Variants in NBPF3 observed in about 807,000 individuals in gnomAD.
The protein encoded by NBPF3 is NBPF family member NBPF3.
NBPF3 carries 57 observed loss-of-function variants against 78.1 expected under a neutral mutation model. The observed-to-expected ratio is 0.73, with a 90% CI of 0.59 to 0.91. The LOEUF (loss-of-function observed/expected upper bound fraction) is 0.91. Ranked by LOEUF, NBPF3 falls within the 40% of genes least tolerant of loss-of-function variation. NBPF3 has a pLI of 0.00. For missense variants in NBPF3, 510 were observed against 715.3 expected, an observed-to-expected ratio of 0.71 and a Z score of 3.27; for synonymous variants, 182 against 271.7, an observed-to-expected ratio of 0.67 and a Z score of 3.25.
At chr1:21,451,328 T>G (rs1641299012) in intron 2 of NBPF3, among the ~76,000 whole-genome samples, 1 of 152,236 alleles carries the variant, frequency 6.6e-6, no homozygotes, top group Non-Finnish European at 1.5e-5. Context: ...TAGTTTCTCT[T>G]GGATAAATGC....
chr1:21,474,730 T>A (rs1642798794), intron 7 of NBPF3, among the ~76,000 whole-genome samples, 170 bp from the exon 8 acceptor site: 2 of 152,192 alleles, frequency 1.3e-5, no homozygotes, highest in South Asian at 4.1e-4. Context: ...GAAAGCAGGG[T>A]CATCTACTTC....
intron 5 of NBPF3, 56 bp downstream of exon 5, chr1:21,471,839 G>T: frequency 6.3e-7 from 1 of 1,590,502 alleles, no homozygotes; most frequent in Non-Finnish European, 8.6e-7. Context: ...AGAGACTTCA[G>T]ACCTCCATAC....
At chr1:21,455,731 G>A (rs999107505) in intron 2 of NBPF3, among the ~76,000 whole-genome samples, 11 of 152,222 alleles carry the variant, frequency 7.2e-5, no homozygotes, top group African/African-American at 2.4e-4. Flanking sequence ...CTGATCAAAG[G>A]TGCAGCTCTC....
At chr1:21,440,820 T>A (rs1427576360) in intron 1 of NBPF3, 1 of 152,504 alleles carries the variant, frequency 6.6e-6, no homozygotes, top group Non-Finnish European at 1.5e-5. Flanking sequence ...AAGCCAGGTG[T>A]GCCAGGTCCA....
intron 1 of NBPF3, among the ~76,000 whole-genome samples, chr1:21,443,988 A>G (rs1277582944): frequency 6.6e-6 from 1 of 152,198 alleles, no homozygotes; most frequent in Non-Finnish European, 1.5e-5. Flanking sequence ...ATTTATGAAT[A>G]TAGTATTCAT....
At chr1:21,474,871 G>A (rs367623370) in intron 7 of NBPF3, 29 bp from the exon 8 acceptor site, 1 of 1,589,068 alleles carries the variant, frequency 6.3e-7, no homozygotes, top group South Asian at 1.1e-5. Context: ...ATTGCTTAAT[G>A]TGACCTGCTT....
chr1:21,480,096 G>A lies in NBPF3; in HGVS notation c.1254G>A (p.Gln418=), dbSNP rs781609425. The A allele has an allele frequency of 8.8e-7, 1 of 1,133,104 alleles. No individual in the cohort carries two copies. The highest frequency in any genetic ancestry group is 1.8e-5 in the Admixed American group (1 of 55,938). The allele number at this position is 1,133,104 out of a possible 1,614,324, so 70.2% of individuals were successfully genotyped here. The change falls in exon 11 of 15, where the codon CAG becomes CAA. Residue 418 remains glutamine, a synonymous_variant. Transcript: ENST00000318249. ...ATGAGAAAGAGCCTGAAGTCTTGCA[G>A]GACTCACTGGATAGATTTTATTCAA... is the stretch of plus-strand genomic sequence containing the variant. ...LLDEKEPEVL[Q]DSLDRFYSTP... is the part of the protein sequence containing the mutation.
chr1:21,461,346 TACAA>T (rs1224336251), intron 2 of NBPF3, among the ~76,000 whole-genome samples: 1 of 152,074 alleles, frequency 6.6e-6, no homozygotes, highest in Admixed American at 6.6e-5. Context: ...GTGATAATCA[TACAA>T]ACAATAGGAT....
intron 2 of NBPF3, among the ~76,000 whole-genome samples, chr1:21,448,019 T>C (rs1190400232): frequency 6.6e-6 from 1 of 152,190 alleles, no homozygotes; most frequent in Non-Finnish European, 1.5e-5. Flanking sequence ...GAATTCTTCA[T>C]ATATTTTGGA....
intron 1 of NBPF3, chr1:21,442,477 A>G (rs1200414255): frequency 2.0e-5 from 3 of 152,068 alleles, no homozygotes; most frequent in African/African-American, 7.2e-5. Flanking sequence ...CGGCCTCCCA[A>G]AGGATTGGGA....
chr1:21,456,130 T>G (rs1252412303), intron 2 of NBPF3, among the ~76,000 whole-genome samples: 1 of 152,206 alleles, frequency 6.6e-6, no homozygotes, highest in African/African-American at 2.4e-5. Flanking sequence ...CTGTGGGCTT[T>G]CCATGAATCC....
rs761492756 is a variant in NBPF3, at chr1:21,472,861, A to G, written c.680A>G (p.Asp227Gly). 7.4e-6 allele frequency: 12 copies of G among 1,612,202 alleles called. No individual in the cohort carries two copies. The highest frequency in any genetic ancestry group is 1.1e-5 in the South Asian group (1 of 91,044). Residue 227 changes from aspartate to glycine, a missense_variant, in exon 6 of 15, where the codon GAT becomes GGT. Physicochemically the swap from Asp to Gly is moderately conservative, Grantham distance 94. Coordinates refer to ENST00000318249, the MANE Select transcript of NBPF3 (RefSeq NM_032264.6). Reference protein sequence around the residue: ...KLSPENDDDEDEDVKVEEAEK... With the variant: ...KLSPENDDDEGEDVKVEEAEK... ...TTTACAGAAAATGATGACGATGAGG[A>G]TGAAGATGTTAAAGTTGAGGAGGCT...
At position 21,483,887 on chromosome 1, in the gene NBPF3, T is replaced by C. The variant is rs1378873907; in HGVS notation, c.*501T>C. On this transcript the variant is annotated 3_prime_UTR_variant, in exon 15 of 15. Transcript: ENST00000318249. Reference sequence around the variant, plus strand: ...ATTGTATTTCAGAACCACTGACTGCTCTTGACAGTTGTTAACCCACTAGGC... The same window carrying C: ...ATTGTATTTCAGAACCACTGACTGCCCTTGACAGTTGTTAACCCACTAGGC... The C allele has an allele frequency of 7.1e-6, 1 of 141,308 alleles. No homozygotes were observed. Among genetic ancestry groups the C allele is most frequent in the Non-Finnish European group, 1.5e-5 (1 of 65,350 alleles). 8.8% of individuals were successfully genotyped at this position (141,308 alleles called of 1,614,324 possible). A position where few individuals can be genotyped will look rare whatever the true frequency, so the allele number is the denominator to read the frequency against.
At chr1:21,449,571 A>C (rs948821055) in intron 2 of NBPF3, among the ~76,000 whole-genome samples, 4 of 152,016 alleles carry the variant, frequency 2.6e-5, no homozygotes, top group Non-Finnish European at 4.4e-5. Flanking sequence ...CCTGAGTTCA[A>C]GTGATTCTCC....
At chr1:21,437,120 C>G (rs1488983930), upstream of NBPF3, among the ~76,000 whole-genome samples, 2 of 152,078 alleles carry the variant, frequency 1.3e-5, no homozygotes, top group Non-Finnish European at 2.9e-5. Context: ...AGACAGGTCC[C>G]TGGTCATGCA....
intron 2 of NBPF3, among the ~76,000 whole-genome samples, chr1:21,457,781 G>GA (rs1641714302): frequency 6.6e-6 from 1 of 152,186 alleles, no homozygotes; most frequent in African/African-American, 2.4e-5. Context: ...CACACTATGT[G>GA]TGCACATGAT....
chr1:21,472,748 A>G (rs747256073), intron 5 of NBPF3, 95 bp from the exon 6 acceptor site: 2 of 886,252 alleles, frequency 2.3e-6, no homozygotes, highest in Non-Finnish European at 3.8e-6. Context: ...AACAGTGACC[A>G]TGCCTAGATG....
chr1:21,450,132 T>C (rs111629634), intron 2 of NBPF3, among the ~76,000 whole-genome samples: 1 of 148,398 alleles, frequency 6.7e-6, no homozygotes, highest in African/African-American at 2.5e-5. Flanking sequence ...CATGTGAGGC[T>C]AAAATTCAGA....
chr1:21,437,780 GAGTAGCTGGGACTACA>G (rs1433225219), upstream of NBPF3, among the ~76,000 whole-genome samples: 4 of 149,178 alleles, frequency 2.7e-5, no homozygotes, highest in African/African-American at 9.9e-5. Flanking sequence ...TCAGCCTCCC[GAGTAGCTGGGACTACA>G]GGCGTCCGCC....
Sources: gnomAD v4.1 joint callset for allele counts (sites outside exome capture counted in the v4.1 genomes callset) on GRCh38, gnomAD v4.1.1 for gene constraint, MANE v1.5 for transcripts, NCBI Gene and HGNC (gene_info 2026-07-23, HGNC 2026-07-21) for gene names.